PXYLP1: variants seen among roughly 807,000 people sequenced by gnomAD.
PXYLP1 encodes the protein acid phosphatase-like 2.
Under a neutral mutation model 37.9 loss-of-function variants are expected in PXYLP1, and 17 were observed. That is an observed-to-expected ratio of 0.45 (90% confidence interval 0.31 to 0.67). PXYLP1 has a LOEUF of 0.67. PXYLP1 is among the 30% of genes least tolerant of loss of function. The probability of loss-of-function intolerance (pLI) is 0.07; values close to 1 mark genes in which losing one functional copy is unlikely to be tolerated. For synonymous variants in PXYLP1, 221 were observed against 232.2 expected (o/e 0.95, Z 0.44); for missense variants, 511 against 612.0 (o/e 0.84, Z 1.74).
intron 1 of PXYLP1, chr3:141,235,165 A>T (rs1037692517): frequency 5.3e-5 from 8 of 152,332 alleles, no homozygotes; most frequent in African/African-American, 1.7e-4. Context: ...GAGCAAAGTC[A>T]CTGAGATAGG....
At chr3:141,279,603 A>C (rs1014611871) in intron 4 of PXYLP1, 99 bp downstream of exon 4, 5 of 1,477,750 alleles carry the variant, frequency 3.4e-6, no homozygotes, top group Non-Finnish European at 4.6e-6. Flanking sequence ...TACTGTTTGC[A>C]GGAGCCTGAG....
chr3:141,284,601 T>G (rs529911765), intron 4 of PXYLP1, among the ~76,000 whole-genome samples: 1 of 152,232 alleles, frequency 6.6e-6, no homozygotes, highest in African/African-American at 2.4e-5. Flanking sequence ...AAGTCCCTTA[T>G]GTAAAATGGT....
intron 4 of PXYLP1, among the ~76,000 whole-genome samples, chr3:141,286,570 G>A (rs1942079834): frequency 6.6e-6 from 1 of 152,158 alleles, no homozygotes; most frequent in African/African-American, 2.4e-5. Flanking sequence ...GTTGTGTGTT[G>A]GAGGAAAGAA....
At position 141,292,567 on chromosome 3, in the gene PXYLP1, A is replaced by G. The variant is rs762410576; in HGVS notation, c.805A>G (p.Ser269Gly). 2.5e-6 allele frequency: 4 copies of G among 1,614,180 alleles called. No individual in the cohort carries two copies. The highest frequency in any genetic ancestry group is 1.6e-4 in the Middle Eastern group (1 of 6,062). ...TCAGTACCTCCTACGTTTGAAAAAC[A>G]GCCAGCTGGAGAAGACCTACGGGGA... is the stretch of plus-strand genomic sequence containing the variant. ...RRQYLLRLKN[S>G]QLEKTYGEMA... is the part of the protein sequence containing the mutation. The change falls in exon 6 of 6, where the codon AGC becomes GGC. Residue 269 changes from serine to glycine, a missense_variant. Ser to Gly is a moderately conservative substitution (Grantham distance 56). Coordinates refer to ENST00000286353, the MANE Select transcript of PXYLP1 (RefSeq NM_001037172.3). This position sits in a 1 kb window ranked among gnomAD's most constrained non-coding sequence, Gnocchi z 4.3.
At position 141,293,233 on chromosome 3, in the gene PXYLP1, C is replaced by A; in HGVS notation, c.*28C>A. The A allele has an allele frequency of 6.3e-7, 1 of 1,588,374 alleles. No individual in the cohort carries two copies. The highest frequency in any genetic ancestry group is 1.2e-5 in the South Asian group (1 of 86,916). On this transcript the variant is annotated 3_prime_UTR_variant, in exon 6 of 6. Coordinates refer to ENST00000286353, the MANE Select transcript of PXYLP1 (RefSeq NM_001037172.3). ...GGTATGCAGTACAGCAGTATAGAAT[C>A]CATGCCAATACAGAGCATAGGGAAA...
intron 2 of PXYLP1, chr3:141,262,742 A>G (rs1354377261): frequency 4.0e-6 from 6 of 1,492,434 alleles, no homozygotes; most frequent in Non-Finnish European, 5.4e-6. Context: ...TAACTTTGGA[A>G]TTTCCCCATT....
At chr3:141,266,619 C>G (rs1039769313) in intron 2 of PXYLP1, among the ~76,000 whole-genome samples, 8 of 143,710 alleles carry the variant, frequency 5.6e-5, no homozygotes, top group Admixed American at 4.4e-4. Context: ...TTAGCCAGCT[C>G]TGTGTGTGTG....
intron 1 of PXYLP1, among the ~76,000 whole-genome samples, chr3:141,251,968 G>A (rs1941149722): frequency 6.6e-6 from 1 of 152,144 alleles, no homozygotes; most frequent in African/African-American, 2.4e-5. Flanking sequence ...ACTGTACCAT[G>A]TTCCTTACAT....
At chr3:141,267,981 A>C (rs1461612963) in intron 2 of PXYLP1, among the ~76,000 whole-genome samples, 13 of 152,100 alleles carry the variant, frequency 8.5e-5, no homozygotes, top group Admixed American at 7.2e-4. Flanking sequence ...GAGGGGATAG[A>C]GATATCTGTT....
At chr3:141,277,641 G>A (rs994331840) in intron 2 of PXYLP1, among the ~76,000 whole-genome samples, 5 of 152,232 alleles carry the variant, frequency 3.3e-5, no homozygotes, top group African/African-American at 1.2e-4. Context: ...GCCAGGGGGT[G>A]GGGACACTGT....
chr3:141,257,743 A>G (rs867749131), intron 1 of PXYLP1, among the ~76,000 whole-genome samples: 1 of 152,140 alleles, frequency 6.6e-6, no homozygotes, highest in South Asian at 2.1e-4. Flanking sequence ...CTCTACTAAA[A>G]GTACAAAAAT....
chr3:141,288,802 G>T (rs56357034), intron 5 of PXYLP1, among the ~76,000 whole-genome samples: 7,705 of 152,092 alleles, frequency 0.051, 258 homozygotes, highest in East Asian at 0.12. Flanking sequence ...TGGCTGAGGC[G>T]GGAGGACCAC....
At chr3:141,273,354 C>T (rs1188304067) in intron 2 of PXYLP1, 16 of 985,310 alleles carry the variant, frequency 1.6e-5, no homozygotes, top group African/African-American at 1.7e-5. Context: ...TGCCTAAGGT[C>T]TACTGTCTGG....
intron 2 of PXYLP1, chr3:141,262,397 T>C: frequency 1.0e-6 from 1 of 983,112 alleles, no homozygotes; most frequent in Non-Finnish European, 1.3e-6. Flanking sequence ...TTTCCATCCT[T>C]TGGTTGGAGA....
chr3:141,292,161 A>G lies in PXYLP1; in HGVS notation c.506-107A>G. On this transcript the variant is annotated intron_variant, in intron 5 of 5. Transcript: ENST00000286353. The surrounding 1 kb of genome is among the most constrained non-coding windows in gnomAD (Gnocchi z 4.3). ...ACCATGGGGAAACAGGCTGGATGCC[A>G]TTCTCTTGCCCTAAAACACTCCAGA... is the stretch of plus-strand genomic sequence containing the variant. The G allele has an allele frequency of 9.2e-7, 1 of 1,083,546 alleles. No homozygotes were observed. The highest frequency in any genetic ancestry group is 2.4e-5 in the East Asian group (1 of 41,950). 67.1% of individuals were successfully genotyped at this position (1,083,546 alleles called of 1,614,324 possible). A position where few individuals can be genotyped will look rare whatever the true frequency, so the allele number is the denominator to read the frequency against.
At chr3:141,277,085 T>C (rs1300699099) in intron 2 of PXYLP1, among the ~76,000 whole-genome samples, 1 of 152,226 alleles carries the variant, frequency 6.6e-6, no homozygotes, top group Non-Finnish European at 1.5e-5. Context: ...ATTAATCATT[T>C]GTCTGTTAGG....
intron 1 of PXYLP1, among the ~76,000 whole-genome samples, chr3:141,236,681 T>A (rs970482966): frequency 3.3e-5 from 5 of 152,244 alleles, no homozygotes; most frequent in Non-Finnish European, 5.9e-5. Context: ...CTGTTTGTTC[T>A]CTGCAGACAT....
chr3:141,287,149 T>C (rs1376019031), intron 4 of PXYLP1, among the ~76,000 whole-genome samples, 165 bp from the exon 5 acceptor site: 1 of 152,142 alleles, frequency 6.6e-6, no homozygotes, highest in Non-Finnish European at 1.5e-5. Flanking sequence ...TCAGTGTCAG[T>C]GGTCGAGAAA....
intron 2 of PXYLP1, among the ~76,000 whole-genome samples, chr3:141,271,207 A>G (rs1038758024): frequency 4.6e-5 from 7 of 152,212 alleles, no homozygotes; most frequent in African/African-American, 1.7e-4. Flanking sequence ...AGGCAGGGAT[A>G]CTTGCCCCAG....
Sources: allele counts gnomAD v4.1 joint callset (sites outside exome capture counted in the v4.1 genomes callset), GRCh38; gene constraint gnomAD v4.1.1; non-coding constraint Gnocchi (gnomAD v3.1); transcripts MANE v1.5; gene names NCBI Gene and HGNC (gene_info 2026-07-23, HGNC 2026-07-21).